Variants in RARB observed in about 807,000 individuals in gnomAD.
The protein encoded by RARB is retinoic acid receptor beta.
In RARB, 17 loss-of-function variants were observed where a neutral mutation model predicts 51.9. The ratio of observed to expected loss-of-function variants is 0.33; its 90% CI spans 0.22 to 0.49. The LOEUF (loss-of-function observed/expected upper bound fraction) is 0.49, where lower values mean the gene tolerates loss of function less well. Among genes scored for constraint, RARB ranks in the 20% least tolerant of loss-of-function variants. The pLI, the probability that RARB is intolerant of heterozygous loss-of-function variation, is 0.99. For missense variants in RARB, 369 were observed against 550.8 expected (o/e 0.67, Z 3.30); for synonymous variants, 215 against 195.4 (o/e 1.10, Z -0.84).
chr3:25,113,161 G>A (rs1468471378), intron 3 of RARB, among the ~76,000 whole-genome samples: 1 of 151,798 alleles, frequency 6.6e-6, no homozygotes, highest in Non-Finnish European at 1.5e-5. Flanking sequence ...CCTTGCCTTT[G>A]CCCCTTTGTA....
chr3:25,144,564 A>C lies in RARB; in HGVS notation c.-280+12356A>C, dbSNP rs531844548. Among the ~76,000 whole-genome samples the C allele has an allele frequency of 1.1e-3, 171 of 152,250 alleles. 1 individual carries two copies. The highest frequency in any genetic ancestry group is 7.9e-3 in the South Asian group (38 of 4,810). On this transcript the variant is annotated intron_variant, in intron 4 of 11. Transcript: ENST00000383772. ...TGATGTAGCAAGGCCAAAAAAGGAA[A>C]AGTTTCCCTAAGCCATACATTCTTC...
At chr3:25,065,587 C>G (rs182022520) in intron 3 of RARB, among the ~76,000 whole-genome samples, 2 of 152,312 alleles carry the variant, frequency 1.3e-5, no homozygotes, top group Admixed American at 1.3e-4. Flanking sequence ...GACCAAGATA[C>G]AGATACGATT....
intron 5 of RARB, among the ~76,000 whole-genome samples, chr3:25,356,497 C>G (rs1480288710): frequency 6.6e-6 from 1 of 151,056 alleles, no homozygotes; most frequent in Non-Finnish European, 1.5e-5. Context: ...AAAATAGAAA[C>G]AGAGCTTAGA....
At chr3:24,950,041 T>C (rs576558259) in intron 2 of RARB, among the ~76,000 whole-genome samples, 4 of 152,356 alleles carry the variant, frequency 2.6e-5, no homozygotes, top group African/African-American at 9.6e-5. Flanking sequence ...ATTGAAATGT[T>C]AATGTAGGTG....
intron 5 of RARB, among the ~76,000 whole-genome samples, chr3:25,359,998 C>T (rs1029706877): frequency 2.0e-5 from 3 of 152,086 alleles, no homozygotes; most frequent in Non-Finnish European, 2.9e-5. Flanking sequence ...GGTTTGCTAG[C>T]TCCAGAGCTG....
chr3:25,068,133 CAAAAAAAAAAAAAAAAAAAAAAA>C (rs55826425), intron 3 of RARB, among the ~76,000 whole-genome samples: 120 of 33,264 alleles, frequency 3.6e-3, no homozygotes, highest in African/African-American at 0.011. Flanking sequence ...GACTCCATCT[CAAAAAAAAAAAAAAAAAAAAAAA>C]AAAAAAAAAA....
intron 2 of RARB, among the ~76,000 whole-genome samples, chr3:25,004,804 G>A (rs565056215): frequency 1.3e-5 from 2 of 152,218 alleles, no homozygotes; most frequent in South Asian, 4.1e-4. Flanking sequence ...GCATTTATTA[G>A]CTGTGAAAGT....
At chr3:25,149,840 A>C (rs746117264) in intron 4 of RARB, among the ~76,000 whole-genome samples, 1 of 152,250 alleles carries the variant, frequency 6.6e-6, no homozygotes, top group Non-Finnish European at 1.5e-5. Flanking sequence ...GAAGAATGCC[A>C]TCTATACACT....
At chr3:25,419,133 G>C (rs1405893078) in intron 5 of RARB, among the ~76,000 whole-genome samples, 1 of 151,990 alleles carries the variant, frequency 6.6e-6, no homozygotes, top group Non-Finnish European at 1.5e-5. Flanking sequence ...TAAGCTGGGG[G>C]GAATTTAGCA....
chr3:25,443,783 T>G (rs777828928), intron 1 of RARB, among the ~76,000 whole-genome samples: 2 of 151,050 alleles, frequency 1.3e-5, no homozygotes, highest in Non-Finnish European at 2.9e-5. Flanking sequence ...ATACAAAAAT[T>G]AGCTGGGCGT....
At chr3:25,279,984 C>T (rs1313625128) in intron 5 of RARB, among the ~76,000 whole-genome samples, 1 of 152,042 alleles carries the variant, frequency 6.6e-6, no homozygotes, top group African/African-American at 2.4e-5. Context: ...TCTCCTCACA[C>T]ATTGCTAGAT....
chr3:25,155,478 A>G (rs1396980939), intron 4 of RARB, among the ~76,000 whole-genome samples: 1 of 152,184 alleles, frequency 6.6e-6, no homozygotes, highest in Non-Finnish European at 1.5e-5. Flanking sequence ...TGAATAAACT[A>G]TCCGTTTATG....
At chr3:25,088,198 T>A (rs971758735) in intron 3 of RARB, among the ~76,000 whole-genome samples, 1 of 152,018 alleles carries the variant, frequency 6.6e-6, no homozygotes, top group African/African-American at 2.4e-5. Context: ...CTTCATTTGG[T>A]TTCATATTAG....
intron 5 of RARB, among the ~76,000 whole-genome samples, chr3:25,281,228 G>A (rs1703513745): frequency 6.6e-6 from 1 of 152,144 alleles, no homozygotes; most frequent in Admixed American, 6.5e-5. Flanking sequence ...GGAGCCAGTG[G>A]GGACATTTCA....
intron 3 of RARB, among the ~76,000 whole-genome samples, chr3:25,509,154 G>A (rs1357514103): frequency 2.0e-5 from 3 of 152,214 alleles, no homozygotes; most frequent in African/African-American, 7.2e-5. Flanking sequence ...CCTGAGCTGA[G>A]GTCAAATGCA....
chr3:25,337,896 G>A (rs1450334750), intron 5 of RARB, among the ~76,000 whole-genome samples: 2 of 151,886 alleles, frequency 1.3e-5, no homozygotes, highest in Non-Finnish European at 2.9e-5. Context: ...AATATTTGTT[G>A]GATTAATAAA....
chr3:25,040,883 G>T (rs1392910132), intron 2 of RARB, among the ~76,000 whole-genome samples: 1 of 152,208 alleles, frequency 6.6e-6, no homozygotes, highest in Non-Finnish European at 1.5e-5. Context: ...TCTAAGGTCT[G>T]TCTCGAGTCC....
intron 3 of RARB, among the ~76,000 whole-genome samples, chr3:25,126,514 C>T (rs1290790965): frequency 2.0e-5 from 3 of 151,842 alleles, no homozygotes; most frequent in Admixed American, 6.6e-5. Flanking sequence ...ACGAAGGATA[C>T]GCTTCCAGTC....
chr3:25,374,438 C>G (rs1309345319), intron 5 of RARB, among the ~76,000 whole-genome samples: 1 of 152,020 alleles, frequency 6.6e-6, no homozygotes, highest in Non-Finnish European at 1.5e-5. Flanking sequence ...CTGATACCAG[C>G]AATAGTAAGG....
Sources: allele counts gnomAD v4.1 joint callset (sites outside exome capture counted in the v4.1 genomes callset), GRCh38; gene constraint gnomAD v4.1.1; transcripts MANE v1.5; gene names NCBI Gene and HGNC (gene_info 2026-07-23, HGNC 2026-07-21).